SUGCT: variants seen among roughly 807,000 people sequenced by gnomAD.
SUGCT encodes the protein succinyl-CoA:glutarate-CoA transferase.
Under a neutral mutation model 55.0 loss-of-function variants are expected in SUGCT, and 41 were observed. The observed-to-expected ratio is 0.74, with a 90% CI of 0.58 to 0.97. SUGCT has a LOEUF of 0.97. Among genes scored for constraint, SUGCT ranks in the 50% least tolerant of loss-of-function variants. The probability of loss-of-function intolerance (pLI) is 0.00; values close to 1 mark genes in which losing one functional copy is unlikely to be tolerated. For synonymous variants in SUGCT, 187 were observed against 200.4 expected, an observed-to-expected ratio of 0.93 and a Z score of 0.56; for missense variants, 568 against 547.8, an observed-to-expected ratio of 1.04 and a Z score of -0.37.
the SUGCT span, among the ~76,000 whole-genome samples, chr7:40,948,959 G>A: frequency 1.3e-5 from 2 of 152,158 alleles, no homozygotes; most frequent in East Asian, 3.9e-4. Flanking sequence ...TAATCCTTTG[G>A]GTATATACCC....
chr7:40,280,101 G>T (rs1792854003), intron 8 of SUGCT, among the ~76,000 whole-genome samples: 1 of 152,086 alleles, frequency 6.6e-6, no homozygotes, highest in Non-Finnish European at 1.5e-5. Context: ...CACCTGATTG[G>T]AATAGTAGCT....
chr7:40,724,189 A>G (rs1786492706), intron 12 of SUGCT, among the ~76,000 whole-genome samples: 1 of 152,188 alleles, frequency 6.6e-6, no homozygotes, highest in South Asian at 2.1e-4. Context: ...TAAAACATAC[A>G]AGAGGAATTT....
chr7:40,786,580 A>G (rs901009932), intron 13 of SUGCT, among the ~76,000 whole-genome samples: 4 of 152,222 alleles, frequency 2.6e-5, no homozygotes, highest in Admixed American at 2.0e-4. Context: ...ATATTATTCA[A>G]ATAAGTAAAG....
intron 9 of SUGCT, among the ~76,000 whole-genome samples, chr7:40,328,542 A>G (rs1287831839): frequency 6.6e-6 from 1 of 152,160 alleles, no homozygotes; most frequent in Non-Finnish European, 1.5e-5. Flanking sequence ...TAGCCTGGGT[A>G]GAAACCAAGT....
intron 12 of SUGCT, among the ~76,000 whole-genome samples, chr7:40,571,897 C>A (rs146459833): frequency 1.4e-3 from 206 of 152,320 alleles, no homozygotes; most frequent in African/African-American, 4.8e-3. Context: ...GAAATTGTTT[C>A]AGACAGTGGT....
At chr7:40,196,157 T>C (rs1182046151) in intron 6 of SUGCT, among the ~76,000 whole-genome samples, 1 of 151,920 alleles carries the variant, frequency 6.6e-6, no homozygotes, top group East Asian at 1.9e-4. Flanking sequence ...GTGAACCTCT[T>C]ATATATGCAT....
intron 1 of SUGCT, among the ~76,000 whole-genome samples, chr7:40,180,158 T>A (rs1293737391): frequency 6.6e-6 from 1 of 152,016 alleles, no homozygotes; most frequent in African/African-American, 2.4e-5. Context: ...GGTGTCTTGC[T>A]GTGTCGCTCA....
intron 13 of SUGCT, among the ~76,000 whole-genome samples, chr7:40,752,157 C>A (rs115822266): frequency 2.7e-3 from 406 of 152,174 alleles, no homozygotes; most frequent in African/African-American, 8.9e-3. Context: ...GGTAGCTTTG[C>A]TTCTAGTTCC....
intron 6 of SUGCT, among the ~76,000 whole-genome samples, chr7:40,231,544 A>G (rs903277484): frequency 6.6e-6 from 1 of 152,204 alleles, no homozygotes; most frequent in African/African-American, 2.4e-5. Flanking sequence ...GTAGCAAGCC[A>G]TGTGAAGATT....
At chr7:40,648,382 T>G (rs376267794) in intron 12 of SUGCT, among the ~76,000 whole-genome samples, 233 of 152,338 alleles carry the variant, frequency 1.5e-3, no homozygotes, top group African/African-American at 5.1e-3. Context: ...ATGCATGCTA[T>G]TTGGCCTGTT....
chr7:40,689,947 C>G (rs1321840320), intron 12 of SUGCT, among the ~76,000 whole-genome samples: 1 of 152,162 alleles, frequency 6.6e-6, no homozygotes, highest in Non-Finnish European at 1.5e-5. Flanking sequence ...AGGATCAGTT[C>G]CCTATGTCAG....
intron 13 of SUGCT, among the ~76,000 whole-genome samples, chr7:40,790,261 A>G (rs566793178): frequency 6.6e-6 from 1 of 152,122 alleles, no homozygotes; most frequent in African/African-American, 2.4e-5. Context: ...AATGTTTTAT[A>G]AGGGGCTTTC....
intron 7 of SUGCT, among the ~76,000 whole-genome samples, chr7:40,248,269 C>A (rs866350681): frequency 1.3e-5 from 2 of 152,096 alleles, no homozygotes; most frequent in South Asian, 4.1e-4. Flanking sequence ...TCTGAGCCTC[C>A]CAAAGTGCCG....
rs112385992 is a variant in SUGCT, at chr7:40,563,542, C to CA, written c.1089+67168dup. Among the ~76,000 whole-genome samples, 1,152 of 124,430 alleles carry CA rather than the reference C, an allele frequency of 9.3e-3. 2 individuals are homozygous for CA. Among genetic ancestry groups the CA allele is most frequent in the African/African-American group, 0.011 (382 of 33,936 alleles). The allele number at this position is 124,430 out of a possible 152,430, so 81.6% of individuals were successfully genotyped here. ...ACAACATAGTGAGACCTTGTCTTTA[C>CA]AAAAAAAAAAAAGAGAGAGAAAATA... On this transcript the variant is annotated intron_variant, in intron 12 of 13. Transcript: ENST00000335693.
intron 12 of SUGCT, among the ~76,000 whole-genome samples, chr7:40,724,666 G>A (rs1225690349): frequency 6.6e-6 from 1 of 150,710 alleles, no homozygotes; most frequent in Admixed American, 6.6e-5. Flanking sequence ...TCAGTACAGT[G>A]CAATTTGAAT....
At chr7:40,607,955 A>G (rs1798605132) in intron 12 of SUGCT, among the ~76,000 whole-genome samples, 1 of 152,214 alleles carries the variant, frequency 6.6e-6, no homozygotes, top group African/African-American at 2.4e-5. Context: ...TATGGCCTCA[A>G]TAATGTCCAT....
At chr7:40,733,602 C>T (rs1475058486) in intron 12 of SUGCT, among the ~76,000 whole-genome samples, 1 of 152,180 alleles carries the variant, frequency 6.6e-6, no homozygotes, top group Non-Finnish European at 1.5e-5. Flanking sequence ...TGAGCCTGAG[C>T]AAATTTTTGG....
At chr7:40,312,268 C>A (rs7798925) in intron 8 of SUGCT, among the ~76,000 whole-genome samples, 1 of 151,832 alleles carries the variant, frequency 6.6e-6, no homozygotes, top group African/African-American at 2.4e-5. Context: ...CTCGAACTCC[C>A]GACCTCAGGT....
In SUGCT at chr7:40,690,415, T is replaced by C. The variant is rs569041308; in HGVS notation, c.1090-59019T>C. Among the ~76,000 whole-genome samples the C allele has an allele frequency of 7.9e-5, 12 of 152,346 alleles. No individual in the cohort carries two copies. In the East Asian group the frequency reaches 2.3e-3, roughly 29 times the overall value. On this transcript the variant is annotated intron_variant, in intron 12 of 13. Coordinates refer to ENST00000335693, the MANE Select transcript of SUGCT (RefSeq NM_001193313.2). ...CTTTCGTAAGCACTTACTTCTTCCC[T>C]ATGCCTAATTATGTTAATTATTGCC...
Sources: allele counts gnomAD v4.1 joint callset (sites outside exome capture counted in the v4.1 genomes callset), GRCh38; gene constraint gnomAD v4.1.1; transcripts MANE v1.5; gene names NCBI Gene and HGNC (gene_info 2026-07-23, HGNC 2026-07-21).